Variants in GRM1 observed in about 807,000 individuals in gnomAD.
GRM1 encodes metabotropic glutamate receptor 1.
In GRM1, 33 loss-of-function variants were observed where a neutral mutation model predicts 90.9. The observed-to-expected ratio is 0.36, with a 90% CI of 0.28 to 0.49. The LOEUF is 0.49. GRM1 is among the 20% of genes least tolerant of loss of function. The pLI is 0.99. For synonymous variants in GRM1, 700 were observed against 613.2 expected (o/e 1.14, Z -2.09); for missense variants, 1,190 against 1,534.3 (o/e 0.78, Z 3.75).
At chr6:146,206,039 T>C (rs1256862519) in intron 2 of GRM1, among the ~76,000 whole-genome samples, 1 of 152,176 alleles carries the variant, frequency 6.6e-6, no homozygotes, top group Non-Finnish European at 1.5e-5. Flanking sequence ...AAGAGATTGA[T>C]GTATGTCGTA....
intron 5 of GRM1, among the ~76,000 whole-genome samples, chr6:146,362,164 C>T (rs1437592381): frequency 6.6e-6 from 1 of 152,090 alleles, no homozygotes; most frequent in Non-Finnish European, 1.5e-5. Context: ...TGGGAGGTTG[C>T]AGTAAGAGAA....
intron 1 of GRM1, among the ~76,000 whole-genome samples, chr6:146,060,190 G>T (rs1290633065): frequency 6.6e-6 from 1 of 151,984 alleles, no homozygotes; most frequent in East Asian, 1.9e-4. Context: ...AGAGGAAGAT[G>T]TGCAACTCTT....
rs978581213 is a variant in GRM1, at chr6:146,148,497, C to T, written c.701-10851C>T. ...CCTGACATTGAGTACAATTTTATAT[C>T]ATCCTTGAAAATGTTTGCATGCATT... On this transcript the variant is annotated intron_variant, in intron 1 of 7. Coordinates refer to ENST00000282753, the MANE Select transcript of GRM1 (RefSeq NM_001278064.2). Among the ~76,000 whole-genome samples the T allele has an allele frequency of 9.2e-5, 14 of 152,168 alleles. No individual in the cohort carries two copies. The South Asian group carries it at 1.5e-3, about 16-fold the overall frequency.
chr6:146,260,804 G>GTTTTTTT lies in GRM1; in HGVS notation c.951-43780_951-43774dup, dbSNP rs56956724. Among the ~76,000 whole-genome samples, 71 of 22,744 alleles carry GTTTTTTT rather than the reference G, an allele frequency of 3.1e-3. 4 individuals are homozygous for GTTTTTTT. The highest frequency in any genetic ancestry group is 7.1e-3 in the African/African-American group (42 of 5,914). 14.9% of individuals were successfully genotyped at this position (22,744 alleles called of 152,430 possible). On this transcript the variant is annotated intron_variant, in intron 2 of 7. Coordinates refer to ENST00000282753, the MANE Select transcript of GRM1 (RefSeq NM_001278064.2). ...CCCATTTTTTAATTAGGTTATTTGG[G>GTTTTTTT]TTTTTTTTTTTTTTTTTTTTTTTTT... is the stretch of plus-strand genomic sequence containing the variant.
intron 3 of GRM1, among the ~76,000 whole-genome samples, chr6:146,345,742 G>A (rs1203859411): frequency 6.6e-6 from 1 of 152,160 alleles, no homozygotes; most frequent in Non-Finnish European, 1.5e-5. Context: ...GAGTGTGGGA[G>A]AGGCCAAGAG....
At chr6:146,225,363 C>G (rs1260606483) in intron 2 of GRM1, among the ~76,000 whole-genome samples, 1 of 152,114 alleles carries the variant, frequency 6.6e-6, no homozygotes, top group African/African-American at 2.4e-5. Context: ...GGAGGTACCA[C>G]AGTATAATAA....
intron 3 of GRM1, among the ~76,000 whole-genome samples, chr6:146,344,958 T>G (rs1347427447): frequency 1.3e-5 from 2 of 152,230 alleles, no homozygotes; most frequent in African/African-American, 4.8e-5. Flanking sequence ...ATTCCAGGCA[T>G]GCCCCAATAT....
At position 146,408,667 on chromosome 6, in the gene GRM1, G is replaced by A. The variant is rs571301620; in HGVS notation, c.2660+8968G>A. Among the ~76,000 whole-genome samples the A allele has an allele frequency of 1.5e-4, 23 of 152,240 alleles. No individual in the cohort carries two copies. The East Asian group carries it at 1.7e-3, about 12-fold the overall frequency. ...TTAGCCTTATGCATTCATTATATTC[G>A]TGCTATAAAAAATAGAGGAGCTGTA... On this transcript the variant is annotated intron_variant, in intron 7 of 7. Transcript: ENST00000282753.
chr6:146,061,917 C>A (rs1437893615), intron 1 of GRM1, among the ~76,000 whole-genome samples: 1 of 152,132 alleles, frequency 6.6e-6, no homozygotes, highest in Admixed American at 6.5e-5. Context: ...TTAGTTCAAT[C>A]ATTGTGGAAG....
chr6:146,224,265 G>A (rs1317790451), intron 2 of GRM1, among the ~76,000 whole-genome samples: 1 of 152,098 alleles, frequency 6.6e-6, no homozygotes, highest in Non-Finnish European at 1.5e-5. Flanking sequence ...AGAGTGAGGT[G>A]GGAAGTGTTG....
chr6:146,042,523 A>G (rs576502797), intron 1 of GRM1, among the ~76,000 whole-genome samples: 10 of 152,150 alleles, frequency 6.6e-5, no homozygotes, highest in African/African-American at 2.4e-4. Context: ...AGCCTTGAAC[A>G]GAAGCCTTTT....
At chr6:146,382,137 T>TA (rs1776338795) in intron 5 of GRM1, among the ~76,000 whole-genome samples, 1 of 152,156 alleles carries the variant, frequency 6.6e-6, no homozygotes, top group Admixed American at 6.6e-5. Context: ...TCAAAACTTT[T>TA]ACTATGACTC....
intron 3 of GRM1, among the ~76,000 whole-genome samples, chr6:146,348,292 A>T (rs568460929): frequency 6.6e-6 from 1 of 152,232 alleles, no homozygotes; most frequent in Non-Finnish European, 1.5e-5. Context: ...AGGGCAGCCT[A>T]TAATAGATTT....
At chr6:146,165,493 T>G (rs1312388391) in intron 2 of GRM1, among the ~76,000 whole-genome samples, 1 of 152,122 alleles carries the variant, frequency 6.6e-6, no homozygotes, top group Admixed American at 6.6e-5. Flanking sequence ...CATTGAAGTG[T>G]GACATCTCCA....
chr6:146,205,330 G>A (rs1447499956), intron 2 of GRM1, among the ~76,000 whole-genome samples: 1 of 151,966 alleles, frequency 6.6e-6, no homozygotes, highest in Admixed American at 6.6e-5. Flanking sequence ...TCATTTTATG[G>A]AAAACTTTAT....
chr6:146,270,448 C>A (rs549621484), intron 2 of GRM1, among the ~76,000 whole-genome samples: 12 of 152,216 alleles, frequency 7.9e-5, no homozygotes, highest in African/African-American at 2.6e-4. Flanking sequence ...AGATATGTTG[C>A]TTTCAAGTGA....
At chr6:146,049,178 C>T (rs550813274) in intron 1 of GRM1, among the ~76,000 whole-genome samples, 1 of 151,966 alleles carries the variant, frequency 6.6e-6, no homozygotes, top group Non-Finnish European at 1.5e-5. Flanking sequence ...TAATATAACT[C>T]AGAGGTATGT....
At position 146,211,145 on chromosome 6, in the gene GRM1, G is replaced by T. The variant is rs531956980; in HGVS notation, c.950+51548G>T. Among the ~76,000 whole-genome samples, 3 of 151,848 alleles carry T rather than the reference G, an allele frequency of 2.0e-5. No homozygotes were observed. In the East Asian group the frequency reaches 5.8e-4, roughly 29 times the overall value. ...GGGAAGAAAAAAAAAAAAACATTTGGCTTAACTTGGTATAGTATTTTTCAA... is the reference window on the plus strand; with the variant it reads ...GGGAAGAAAAAAAAAAAAACATTTGTCTTAACTTGGTATAGTATTTTTCAA... On this transcript the variant is annotated intron_variant, in intron 2 of 7. Transcript: ENST00000282753.
intron 7 of GRM1, among the ~76,000 whole-genome samples, chr6:146,430,458 G>A (rs1439947274): frequency 6.6e-6 from 1 of 152,158 alleles, no homozygotes; most frequent in East Asian, 1.9e-4. Context: ...TGAAGTCGGA[G>A]CAAAAGGTTC....
Sources: allele counts gnomAD v4.1 joint callset (sites outside exome capture counted in the v4.1 genomes callset), GRCh38; gene constraint gnomAD v4.1.1; transcripts MANE v1.5; gene names NCBI Gene and HGNC (gene_info 2026-07-23, HGNC 2026-07-21).